ZFAND6: variants seen among roughly 807,000 people sequenced by gnomAD.
The protein encoded by ZFAND6 is zinc finger AN1-type containing 6, also known as AN1-type zinc finger protein 6.
A neutral mutation model predicts 24.5 loss-of-function variants in ZFAND6; 12 were observed. The observed-to-expected ratio is 0.49, with a 90% CI of 0.31 to 0.79. The LOEUF (loss-of-function observed/expected upper bound fraction) is 0.79, where lower values mean the gene tolerates loss of function less well. ZFAND6 is among the 30% of genes least tolerant of loss of function. The pLI is 0.04. For synonymous variants in ZFAND6, 92 were observed against 81.5 expected, an observed-to-expected ratio of 1.13 and a Z score of -0.69; for missense variants, 207 against 245.9, an observed-to-expected ratio of 0.84 and a Z score of 1.06.
chr15:80,081,100 G>A (rs2037639373), intron 1 of ZFAND6, among the ~76,000 whole-genome samples: 1 of 152,204 alleles, frequency 6.6e-6, no homozygotes, highest in Non-Finnish European at 1.5e-5. Context: ...AGTCTCAGTA[G>A]CTGTAGGAAT....
chr15:80,102,259 GCCACCACACCCAACT>G (rs1179624781), intron 2 of ZFAND6, among the ~76,000 whole-genome samples: 1 of 151,934 alleles, frequency 6.6e-6, no homozygotes, highest in African/African-American at 2.4e-5. Flanking sequence ...ACAGACGTGT[GCCACCACACCCAACT>G]AATTTTGCAC....
chr15:80,109,137 C>A (rs1378927275), intron 2 of ZFAND6, among the ~76,000 whole-genome samples: 1 of 152,106 alleles, frequency 6.6e-6, no homozygotes, highest in Non-Finnish European at 1.5e-5. Flanking sequence ...GAGCCTTTCT[C>A]GTTTTTTGCC....
rs71453501 is a variant in ZFAND6, at chr15:80,089,259, G to GTTTTTTTTT, written c.-180-9140_-180-9132dup. Among the ~76,000 whole-genome samples, 16 of 61,096 alleles carry GTTTTTTTTT rather than the reference G, an allele frequency of 2.6e-4. 2 individuals are homozygous for GTTTTTTTTT. The highest frequency in any genetic ancestry group is 8.2e-4 in the South Asian group (1 of 1,218). 40.1% of individuals were successfully genotyped at this position (61,096 alleles called of 152,430 possible). On this transcript the variant is annotated intron_variant, in intron 1 of 6. Coordinates refer to ENST00000261749, the MANE Select transcript of ZFAND6 (RefSeq NM_019006.4). Reference sequence around the variant, plus strand: ...TCTGTCTTCGTGTGTGAGTGTGTGTGTTTTTTTTTTTTTTTTTTTTTTTTT... The same window carrying GTTTTTTTTT: ...TCTGTCTTCGTGTGTGAGTGTGTGTGTTTTTTTTTTTTTTTTTTTTTTTTTTTTTTTTTT...
chr15:80,122,820 T>A lies in ZFAND6; in HGVS notation c.364+20T>A. ...TGCAGGGTTTGTATATGAACTAGCA[T>A]GTATTTTGTTATTTGAGTATTATAG... On this transcript the variant is annotated intron_variant, in intron 5 of 6. Transcript: ENST00000261749. The A allele has an allele frequency of 6.3e-7, 1 of 1,589,870 alleles. No homozygotes were observed. Among genetic ancestry groups the A allele is most frequent in the Non-Finnish European group, 8.6e-7 (1 of 1,159,470 alleles).
chr15:80,065,389 C>T (rs201282764), intron 1 of ZFAND6, among the ~76,000 whole-genome samples: 2 of 151,872 alleles, frequency 1.3e-5, no homozygotes, highest in East Asian at 1.9e-4. Context: ...CACTTGTATA[C>T]ATGGGGCATG....
intron 5 of ZFAND6, among the ~76,000 whole-genome samples, chr15:80,126,405 A>G (rs138460969): frequency 1.0e-3 from 157 of 152,348 alleles, no homozygotes; most frequent in Admixed American, 2.5e-3. Context: ...AGCTACAGTA[A>G]TCAAGACTGT....
chr15:80,079,584 C>T (rs2037518962), intron 1 of ZFAND6, among the ~76,000 whole-genome samples: 1 of 148,960 alleles, frequency 6.7e-6, no homozygotes, highest in African/African-American at 2.5e-5. Flanking sequence ...AAAATAATGA[C>T]AATAGATTTT....
chr15:80,100,556 C>T (rs984845597), intron 2 of ZFAND6, among the ~76,000 whole-genome samples: 1 of 152,192 alleles, frequency 6.6e-6, no homozygotes, highest in African/African-American at 2.4e-5. Context: ...AGCTAATTAA[C>T]TTTCCTAGGA....
intron 1 of ZFAND6, among the ~76,000 whole-genome samples, chr15:80,068,165 G>C (rs1288910583): frequency 6.8e-6 from 1 of 146,502 alleles, no homozygotes; most frequent in African/African-American, 2.5e-5. Flanking sequence ...GTTTGTTTTT[G>C]AGACATGGTG....
chr15:80,100,260 C>T (rs896861457), intron 2 of ZFAND6, among the ~76,000 whole-genome samples: 1 of 152,198 alleles, frequency 6.6e-6, no homozygotes, highest in African/African-American at 2.4e-5. Flanking sequence ...TGCTGCTATT[C>T]TGTGAACAGT....
chr15:80,088,701 CTT>C (rs781702092), intron 1 of ZFAND6, among the ~76,000 whole-genome samples: 49 of 152,304 alleles, frequency 3.2e-4, no homozygotes, highest in Non-Finnish European at 5.3e-4. Context: ...CATTTACCCT[CTT>C]TTCTTTATGG....
At position 80,119,257 on chromosome 15, in the gene ZFAND6, T is replaced by C. The variant is rs560052507; in HGVS notation, c.-17-1071T>C. On this transcript the variant is annotated intron_variant, in intron 2 of 6. Coordinates refer to ENST00000261749, the MANE Select transcript of ZFAND6 (RefSeq NM_019006.4). The stretch of plus-strand genomic sequence containing the variant: ...CTTGCCTGTCTGACTAATGCCTCTG[T>C]CCTGTTAGTTTTTAGTATTTTTTAG... Among the ~76,000 whole-genome samples the C allele has an allele frequency of 3.3e-5, 5 of 152,326 alleles. No individual in the cohort carries two copies. The East Asian group carries it at 9.6e-4, about 29-fold the overall frequency.
At chr15:80,124,097 A>C (rs535958703) in intron 5 of ZFAND6, among the ~76,000 whole-genome samples, 1 of 152,228 alleles carries the variant, frequency 6.6e-6, no homozygotes. Flanking sequence ...TCTTAGTTAC[A>C]TCAAAAAATT....
At chr15:80,137,334 G>GA in intron 6 of ZFAND6, 146 bp from the exon 7 acceptor site, 1 of 906,722 alleles carries the variant, frequency 1.1e-6, no homozygotes, top group Non-Finnish European at 1.5e-6. Flanking sequence ...TAGTGAATAA[G>GA]AATGTAGTTT....
At chr15:80,063,360 A>C (rs1230079490) in intron 1 of ZFAND6, among the ~76,000 whole-genome samples, 1 of 152,040 alleles carries the variant, frequency 6.6e-6, no homozygotes, top group Non-Finnish European at 1.5e-5. Context: ...TTTCCACTTA[A>C]AGTACATCTC....
intron 1 of ZFAND6, chr15:80,060,330 C>T (rs1467225015): frequency 1.3e-5 from 2 of 152,196 alleles, no homozygotes; most frequent in African/African-American, 4.8e-5. Context: ...TCCTGACTGG[C>T]ACCGGGAAGG....
intron 5 of ZFAND6, among the ~76,000 whole-genome samples, chr15:80,128,427 A>T (rs1344596393): frequency 6.6e-6 from 1 of 152,092 alleles, no homozygotes; most frequent in Admixed American, 6.6e-5. Context: ...AGAAAGAGTG[A>T]AAAGACTGTT....
At chr15:80,093,287 T>C (rs1318901284) in intron 1 of ZFAND6, among the ~76,000 whole-genome samples, 1 of 152,054 alleles carries the variant, frequency 6.6e-6, no homozygotes, top group Non-Finnish European at 1.5e-5. Context: ...TTTTTAAATA[T>C]ACAAGTTTTT....
intron 1 of ZFAND6, among the ~76,000 whole-genome samples, chr15:80,085,945 TA>T (rs955494164): frequency 6.6e-6 from 1 of 152,164 alleles, no homozygotes; most frequent in African/African-American, 2.4e-5. Context: ...TCCAGACCTA[TA>T]AAAAAAGGTA....
Sources: gnomAD v4.1 joint callset for allele counts (sites outside exome capture counted in the v4.1 genomes callset) on GRCh38, gnomAD v4.1.1 for gene constraint, MANE v1.5 for transcripts, NCBI Gene and HGNC (gene_info 2026-07-23, HGNC 2026-07-21) for gene names.